CSMD1: variants seen among roughly 807,000 people sequenced by gnomAD.
CSMD1 encodes CUB and Sushi multiple domains 1, also known as CUB and sushi domain-containing protein 1.
CSMD1 carries 213 observed loss-of-function variants against 417.5 expected under a neutral mutation model. The ratio of observed to expected loss-of-function variants is 0.51; its 90% CI spans 0.46 to 0.57. The LOEUF is 0.57. CSMD1 is among the 20% of genes least tolerant of loss of function. The probability of loss-of-function intolerance (pLI) is 0.00; values close to 1 mark genes in which losing one functional copy is unlikely to be tolerated. For synonymous variants in CSMD1, 2,862 were observed against 1,736.8 expected, an observed-to-expected ratio of 1.65 and a Z score of -16.11; for missense variants, 6,923 against 4,529.7, an observed-to-expected ratio of 1.53 and a Z score of -15.17.
intron 12 of CSMD1, among the ~76,000 whole-genome samples, chr8:3,425,085 C>A (rs559094228): frequency 6.6e-6 from 1 of 152,294 alleles, no homozygotes; most frequent in South Asian, 2.1e-4. Flanking sequence ...AGCAATCCTC[C>A]TGTCCCAGCA....
At chr8:3,939,776 C>A (rs1449496259) in intron 5 of CSMD1, among the ~76,000 whole-genome samples, 1 of 152,074 alleles carries the variant, frequency 6.6e-6, no homozygotes, top group East Asian at 1.9e-4. Flanking sequence ...AATGGAAAAA[C>A]AAACGTCATA....
intron 26 of CSMD1, among the ~76,000 whole-genome samples, chr8:3,276,196 T>A (rs1169077063): frequency 6.6e-6 from 1 of 151,986 alleles, no homozygotes; most frequent in East Asian, 1.9e-4. Flanking sequence ...CCGTGTGAGG[T>A]GTCAGTCTAC....
At chr8:4,876,915 T>C (rs1190520678) in intron 1 of CSMD1, among the ~76,000 whole-genome samples, 1 of 152,070 alleles carries the variant, frequency 6.6e-6, no homozygotes, top group African/African-American at 2.4e-5. Context: ...GGAGATTAGC[T>C]TTCTCCTAAT....
intron 20 of CSMD1, among the ~76,000 whole-genome samples, chr8:3,359,845 A>G (rs1466220839): frequency 6.6e-6 from 1 of 152,220 alleles, no homozygotes; most frequent in African/African-American, 2.4e-5. Flanking sequence ...ATGTATCAAA[A>G]TATCACATGC....
rs1484002245 is a variant in CSMD1 at position 3,354,867 on chromosome 8, A to ATATGTCTATCTATAGATC, written c.3304+4284_3304+4285insGATCTATAGATAGACATA. Among the ~76,000 whole-genome samples the ATATGTCTATCTATAGATC allele has an allele frequency of 9.9e-4, 55 of 55,388 alleles. 1 individual carries two copies. The highest frequency in any genetic ancestry group is 5.7e-3 in the African/African-American group (47 of 8,210). The allele number at this position is 55,388 out of a possible 152,430, so 36.3% of individuals were successfully genotyped here. ...CACTAAACCCTCTCCCTATATATAG[A>ATATGTCTATCTATAGATC]TATACATATATCTATAGATATGTCT... is the stretch of plus-strand genomic sequence containing the variant. On this transcript the variant is annotated intron_variant, in intron 21 of 69. Coordinates refer to ENST00000635120, the MANE Select transcript of CSMD1 (RefSeq NM_033225.6).
intron 5 of CSMD1, among the ~76,000 whole-genome samples, chr8:3,773,779 A>T (rs1798748014): frequency 6.6e-6 from 1 of 152,192 alleles, no homozygotes; most frequent in South Asian, 2.1e-4. Context: ...ATCCAGAATA[A>T]ATATCATTCA....
At chr8:3,291,361 C>T (rs539499378) in intron 25 of CSMD1, among the ~76,000 whole-genome samples, 5 of 27,396 alleles carry the variant, frequency 1.8e-4, no homozygotes, top group Non-Finnish European at 6.1e-4. Context: ...GGGAGGATTC[C>T]CATCTTTTTC....
chr8:4,454,330 G>C (rs911014522), intron 2 of CSMD1, among the ~76,000 whole-genome samples: 4 of 152,152 alleles, frequency 2.6e-5, no homozygotes, highest in Non-Finnish European at 5.9e-5. Flanking sequence ...CTTGTCAGTA[G>C]ACATGCAGCT....
rs547478910 is a variant in CSMD1, at chr8:4,352,827, G to A, written c.415+67126C>T. On this transcript the variant is annotated intron_variant, in intron 3 of 69. Transcript: ENST00000635120. ...CCGTCCATTTCAAGATGGTTCAAAC[G>A]AACTCAAACAAGATTGGACCTGTTT... Among the ~76,000 whole-genome samples the A allele has an allele frequency of 2.0e-4, 30 of 152,228 alleles. No individual in the cohort carries two copies. In the East Asian group the frequency reaches 3.7e-3, roughly 19 times the overall value.
intron 3 of CSMD1, among the ~76,000 whole-genome samples, chr8:4,167,912 G>C (rs566150396): frequency 1.3e-5 from 2 of 151,984 alleles, no homozygotes; most frequent in Non-Finnish European, 2.9e-5. Context: ...CGGACTGCCT[G>C]AGGTCAGGAG....
At chr8:3,168,985 G>A (rs1470210428) in intron 37 of CSMD1, among the ~76,000 whole-genome samples, 1 of 152,082 alleles carries the variant, frequency 6.6e-6, no homozygotes, top group Non-Finnish European at 1.5e-5. Context: ...GAGAAACTCT[G>A]CAGTGATGAA....
At chr8:3,719,661 C>A (rs115569280) in intron 6 of CSMD1, among the ~76,000 whole-genome samples, 2 of 152,124 alleles carry the variant, frequency 1.3e-5, no homozygotes, top group Non-Finnish European at 2.9e-5. Context: ...GTCAGATGAG[C>A]TTGGGGAAGT....
intron 2 of CSMD1, among the ~76,000 whole-genome samples, chr8:4,444,788 T>C (rs190745939): frequency 2.0e-5 from 3 of 152,274 alleles, no homozygotes; most frequent in Non-Finnish European, 4.4e-5. Context: ...TAAGAACATA[T>C]TATTCCAGAT....
At chr8:3,857,838 T>C (rs1476590929) in intron 5 of CSMD1, among the ~76,000 whole-genome samples, 1 of 152,208 alleles carries the variant, frequency 6.6e-6, no homozygotes, top group African/African-American at 2.4e-5. Context: ...TTTTATAAAA[T>C]ACCTAGAGTT....
chr8:3,265,038 G>C (rs1801333423), intron 26 of CSMD1, among the ~76,000 whole-genome samples: 1 of 152,152 alleles, frequency 6.6e-6, no homozygotes, highest in Non-Finnish European at 1.5e-5. Flanking sequence ...TATGGGAAAA[G>C]CATCTTTAGG....
chr8:3,420,382 G>C (rs974944698), intron 12 of CSMD1, among the ~76,000 whole-genome samples: 1 of 150,784 alleles, frequency 6.6e-6, no homozygotes, highest in African/African-American at 2.4e-5. Flanking sequence ...ATTAACTCAG[G>C]GTGGATCTGG....
chr8:4,541,605 G>A (rs944030692), intron 2 of CSMD1, among the ~76,000 whole-genome samples: 3 of 151,900 alleles, frequency 2.0e-5, no homozygotes, highest in East Asian at 1.9e-4. Flanking sequence ...AAAATTAGCC[G>A]GGCATGGTGG....
intron 5 of CSMD1, among the ~76,000 whole-genome samples, chr8:3,968,403 C>A (rs775831030): frequency 1.3e-5 from 2 of 152,106 alleles, no homozygotes; most frequent in Admixed American, 6.6e-5. Flanking sequence ...CACGGCTCTT[C>A]TTCCTTCATG....
chr8:3,783,741 T>A (rs139489548), intron 5 of CSMD1, among the ~76,000 whole-genome samples: 1 of 152,212 alleles, frequency 6.6e-6, no homozygotes, highest in African/African-American at 2.4e-5. Context: ...ACTCCTGCTA[T>A]TCAGATCCCC....
Sources: gnomAD v4.1 joint callset for allele counts (sites outside exome capture counted in the v4.1 genomes callset) on GRCh38, gnomAD v4.1.1 for gene constraint, MANE v1.5 for transcripts, NCBI Gene and HGNC (gene_info 2026-07-23, HGNC 2026-07-21) for gene names.